Variants in UGT1A6 observed in about 807,000 individuals in gnomAD.
The protein encoded by UGT1A6 is UDP glucuronosyltransferase family 1 member A6.
UGT1A6 carries 32 observed loss-of-function variants against 44.4 expected under a neutral mutation model. That is an observed-to-expected ratio of 0.72 (90% CI 0.54 to 0.97). The LOEUF is 0.97. UGT1A6 is among the 50% of genes least tolerant of loss of function. UGT1A6 has a pLI of 0.00. For synonymous variants in UGT1A6, 238 were observed against 248.5 expected (o/e 0.96, Z 0.40); for missense variants, 685 against 661.9 (o/e 1.03, Z -0.38).
At chr2:233,751,369 A>G (rs1694708741) in intron 1 of UGT1A6, among the ~76,000 whole-genome samples, 1 of 152,104 alleles carries the variant, frequency 6.6e-6, no homozygotes, top group South Asian at 2.1e-4. Context: ...TCATGGGGGA[A>G]GGGACTTGCC....
At chr2:233,755,285 A>C (rs1468695441) in intron 1 of UGT1A6, 1 of 681,694 alleles carries the variant, frequency 1.5e-6, no homozygotes, top group Non-Finnish European at 2.3e-6. Flanking sequence ...ACTGCCAAAG[A>C]GCCTGCGGGG....
In UGT1A6 at chr2:233,754,557, G is replaced by A. The variant is rs1055714391; in HGVS notation, c.862-12477G>A. 5.9e-5 allele frequency: 23 copies of A among 390,464 alleles called. No individual in the cohort carries two copies. The Admixed American group carries it at 7.3e-4, about 12-fold the overall frequency. The allele number at this position is 390,464 out of a possible 1,614,324, so 24.2% of individuals were successfully genotyped here. A position where few individuals can be genotyped will look rare whatever the true frequency, so the allele number is the denominator to read the frequency against. On this transcript the variant is annotated intron_variant, in intron 1 of 4. Coordinates refer to ENST00000305139, the MANE Select transcript of UGT1A6 (RefSeq NM_001072.4). ...TGGACTGGAATTACTTGGTGTCAAT[G>A]GGGAGCAACTGCTCTATGCCGTTTA...
intron 1 of UGT1A6, among the ~76,000 whole-genome samples, chr2:233,694,733 T>G (rs1314036348): frequency 1.3e-5 from 2 of 152,174 alleles, no homozygotes; most frequent in African/African-American, 4.8e-5. Flanking sequence ...TGTTAACAAT[T>G]TGAACAGTTG....
intron 1 of UGT1A6, among the ~76,000 whole-genome samples, chr2:233,724,570 G>T (rs1305921166): frequency 1.6e-5 from 2 of 128,200 alleles, no homozygotes; most frequent in Non-Finnish European, 3.3e-5. Flanking sequence ...GGGGCGGCGG[G>T]GCAGAGGCGC....
intron 1 of UGT1A6, among the ~76,000 whole-genome samples, chr2:233,737,662 C>T (rs972377767): frequency 1.3e-5 from 2 of 152,186 alleles, no homozygotes; most frequent in East Asian, 1.9e-4. Flanking sequence ...AGCTGCAGAT[C>T]GGAGCTGTTC....
intron 1 of UGT1A6, chr2:233,747,461 A>G (rs1413279224): frequency 3.7e-5 from 60 of 1,608,752 alleles, no homozygotes; most frequent in Admixed American, 5.0e-5. Flanking sequence ...ATGCCATTTC[A>G]TGGACCCAGG....
chr2:233,719,525 C>T (rs2076777345), intron 1 of UGT1A6: 21 of 1,613,982 alleles, frequency 1.3e-5, no homozygotes, highest in Non-Finnish European at 1.8e-5. Context: ...CAAGTCTTGC[C>T]TCTGAGCTTT....
intron 4 of UGT1A6, among the ~76,000 whole-genome samples, 154 bp from the exon 5 acceptor site, chr2:233,772,106 CTG>C (rs1172403577): frequency 6.6e-6 from 1 of 152,016 alleles, no homozygotes; most frequent in African/African-American, 2.4e-5. Context: ...GGGCAAGACT[CTG>C]TATCTAAAAA....
chr2:233,761,079 C>T, intron 1 of UGT1A6: 1 of 1,614,120 alleles, frequency 6.2e-7, no homozygotes, highest in Non-Finnish European at 8.5e-7. Flanking sequence ...TGAAGGATTA[C>T]CCTAGGCCCA....
At chr2:233,728,383 G>T (rs2077708725) in intron 1 of UGT1A6, among the ~76,000 whole-genome samples, 1 of 152,140 alleles carries the variant, frequency 6.6e-6, no homozygotes, top group Admixed American at 6.5e-5. Context: ...GTCTTTGCTA[G>T]GGTTGTCTTG....
At chr2:233,704,837 C>G (rs928944856) in intron 1 of UGT1A6, among the ~76,000 whole-genome samples, 1 of 151,970 alleles carries the variant, frequency 6.6e-6, no homozygotes, top group Non-Finnish European at 1.5e-5. Flanking sequence ...CTTTTAAAAT[C>G]AGTTAAGAGA....
chr2:233,768,083 C>A, intron 3 of UGT1A6, 137 bp from the exon 4 acceptor site: 1 of 1,591,312 alleles, frequency 6.3e-7, no homozygotes, highest in Non-Finnish European at 8.6e-7. Flanking sequence ...GGTATCTCAA[C>A]CCACATTTTC....
chr2:233,710,037 T>C (rs1170138686), intron 1 of UGT1A6, among the ~76,000 whole-genome samples: 1 of 152,272 alleles, frequency 6.6e-6, no homozygotes, highest in Non-Finnish European at 1.5e-5. Context: ...CTGTTTTGTG[T>C]CTGGCCTCTT....
intron 1 of UGT1A6, among the ~76,000 whole-genome samples, chr2:233,725,079 C>G (rs370992455): frequency 6.2e-5 from 9 of 144,294 alleles, no homozygotes; most frequent in East Asian, 2.1e-4. Flanking sequence ...CGCAGGCACT[C>G]GGCAGGCTGA....
chr2:233,743,692 G>C, intron 1 of UGT1A6: 2 of 1,367,218 alleles, frequency 1.5e-6, no homozygotes, highest in Non-Finnish European at 2.0e-6. Context: ...CTGTGCAGCC[G>C]CCCTCCGCCC....
chr2:233,729,880 G>A (rs746200260), intron 1 of UGT1A6: 2 of 1,613,860 alleles, frequency 1.2e-6, no homozygotes, highest in Non-Finnish European at 1.7e-6. Flanking sequence ...TCTCAGTCAT[G>A]CATCTGTGTG....
chr2:233,743,217 C>A, intron 1 of UGT1A6: 2 of 409,784 alleles, frequency 4.9e-6, no homozygotes, highest in Non-Finnish European at 9.6e-6. Context: ...AGTAACTGCT[C>A]TTTGCTATTT....
intron 1 of UGT1A6, among the ~76,000 whole-genome samples, chr2:233,715,831 T>C (rs1175914174): frequency 1.3e-5 from 2 of 152,160 alleles, no homozygotes; most frequent in African/African-American, 4.8e-5. Context: ...AAAACATTTT[T>C]TTAAAACTCC....
rs939309903 is a variant in UGT1A6, at chr2:233,740,736, CCT to C, written c.862-26297_862-26296del. ...CATCTTTGCACCACAGGAAATGCCC[CCT>C]TTTACACTCTGAAAACCTTATCAAA... On this transcript the variant is annotated intron_variant, in intron 1 of 4. Coordinates refer to ENST00000305139, the MANE Select transcript of UGT1A6 (RefSeq NM_001072.4). 6.7e-4 allele frequency: 101 copies of C among 151,790 alleles called. 3 individuals are homozygous for C. The highest frequency in any genetic ancestry group is 2.3e-3 in the African/African-American group (96 of 41,118). 9.4% of individuals were successfully genotyped at this position (151,790 alleles called of 1,614,324 possible).
Sources: gnomAD v4.1 joint callset for allele counts (sites outside exome capture counted in the v4.1 genomes callset) on GRCh38, gnomAD v4.1.1 for gene constraint, MANE v1.5 for transcripts, NCBI Gene and HGNC (gene_info 2026-07-23, HGNC 2026-07-21) for gene names.